The following PRMT9 variants were observed in gnomAD, a reference collection of about 807,000 sequenced individuals.
The protein encoded by PRMT9 is protein arginine methyltransferase 9.
In PRMT9, 59 loss-of-function variants were observed where a neutral mutation model predicts 83.2. The observed-to-expected ratio is 0.71, with a 90% CI of 0.57 to 0.88. PRMT9 has a LOEUF of 0.88. Ranked by LOEUF, PRMT9 falls within the 40% of genes least tolerant of loss-of-function variation. The pLI, the probability that PRMT9 is intolerant of heterozygous loss-of-function variation, is 0.00. For missense variants in PRMT9, 947 were observed against 1,021.9 expected, an observed-to-expected ratio of 0.93 and a Z score of 1.00; for synonymous variants, 333 against 353.2, an observed-to-expected ratio of 0.94 and a Z score of 0.64.
chr4:147,652,582 A>C (rs1367603084), intron 9 of PRMT9, among the ~76,000 whole-genome samples: 2 of 152,092 alleles, frequency 1.3e-5, no homozygotes, highest in Non-Finnish European at 2.9e-5. Context: ...GCTACTCAGG[A>C]GGCTGAAGTG....
At chr4:147,666,204 GC>G (rs1360163697) in intron 6 of PRMT9, among the ~76,000 whole-genome samples, 1 of 152,152 alleles carries the variant, frequency 6.6e-6, no homozygotes, top group Non-Finnish European at 1.5e-5. Context: ...TATAAAAGTT[GC>G]AAATATTTAT....
intron 6 of PRMT9, among the ~76,000 whole-genome samples, chr4:147,662,841 T>G (rs1226331390): frequency 6.6e-6 from 1 of 151,758 alleles, no homozygotes; most frequent in African/African-American, 2.4e-5. Context: ...CAATGAAAAT[T>G]TAAACATTTT....
intron 8 of PRMT9, among the ~76,000 whole-genome samples, chr4:147,654,881 G>A (rs1734375889): frequency 6.6e-6 from 1 of 152,118 alleles, no homozygotes; most frequent in Non-Finnish European, 1.5e-5. Flanking sequence ...TTGGGGTGTT[G>A]GTGGAGTACT....
chr4:147,675,898 A>G (rs965203290), intron 2 of PRMT9, among the ~76,000 whole-genome samples: 3 of 152,206 alleles, frequency 2.0e-5, no homozygotes, highest in African/African-American at 7.2e-5. Flanking sequence ...TATTACACAA[A>G]TAAGTGTCAG....
chr4:147,657,880 G>A lies in PRMT9; in HGVS notation c.1242C>T (p.Leu414=). ...ATAAACTATGTTCATCATCAAGCTG[G>A]AGCACAAACCAAACCATAATAGCAT... ...ILDAIMVWFV[L]QLDDEHSLST... is the part of the protein sequence containing the mutation. The change falls in exon 8 of 12, where the codon CTC becomes CTT. Residue 414 remains leucine, a synonymous_variant. Transcript: ENST00000322396. The A allele has an allele frequency of 6.2e-7, 1 of 1,609,328 alleles. No homozygotes were observed. The highest frequency in any genetic ancestry group is 8.5e-7 in the Non-Finnish European group (1 of 1,178,836).
At position 147,638,374 on chromosome 4, in the gene PRMT9, C is replaced by T. The variant is rs765189713; in HGVS notation, c.*158G>A. 13 of 638,170 alleles carry T rather than the reference C, an allele frequency of 2.0e-5. No individual in the cohort carries two copies. Among genetic ancestry groups the T allele is most frequent in the Non-Finnish European group, 3.3e-5 (12 of 361,544 alleles). The allele number at this position is 638,170 out of a possible 1,614,324, so 39.5% of individuals were successfully genotyped here. ...CAGCAGTATTTCTATAATAATGCTA[C>T]CCTTTTATTTAGAATCTTTTAAAAT... is the stretch of plus-strand genomic sequence containing the variant. On this transcript the variant is annotated 3_prime_UTR_variant, in exon 12 of 12. Coordinates refer to ENST00000322396, the MANE Select transcript of PRMT9 (RefSeq NM_138364.4).
In PRMT9 at chr4:147,683,816, G is replaced by C. The variant is rs776433737; in HGVS notation, c.172C>G (p.Leu58Val). 6 of 1,600,356 alleles carry C rather than the reference G, an allele frequency of 3.7e-6. No individual in the cohort carries two copies. The highest frequency in any genetic ancestry group is 5.1e-6 in the Non-Finnish European group (6 of 1,173,444). The stretch of plus-strand genomic sequence containing the variant: ...ACCCTCACCTTCACGTCGTGTTTCA[G>C]CTCCGGCGCCAGGCTGAGCACGAGG... ...YLLVLSLAPE[L>V]KHDVKETFQY... The change falls in exon 1 of 12, where the codon CTG becomes GTG. Residue 58 changes from leucine to valine, a missense_variant. Transcript: ENST00000322396.
chr4:147,682,409 C>CTGGG (rs1736542657), intron 1 of PRMT9, among the ~76,000 whole-genome samples: 2 of 152,156 alleles, frequency 1.3e-5, no homozygotes, highest in African/African-American at 4.8e-5. Context: ...CTACTGACCT[C>CTGGG]AGGTGATCCA....
intron 6 of PRMT9, among the ~76,000 whole-genome samples, chr4:147,667,970 A>G (rs142433413): frequency 9.4e-4 from 134 of 141,904 alleles, no homozygotes; most frequent in African/African-American, 2.9e-3. Flanking sequence ...GGCTTTAACC[A>G]TGAAGTTTCA....
At chr4:147,658,221 T>C (rs1256695748) in intron 7 of PRMT9, among the ~76,000 whole-genome samples, 1 of 151,438 alleles carries the variant, frequency 6.6e-6, no homozygotes, top group Non-Finnish European at 1.5e-5. Context: ...TGGAAAGAAG[T>C]CCATAATATA....
chr4:147,670,797 A>G, intron 4 of PRMT9, 54 bp from the exon 5 acceptor site: 1 of 1,124,438 alleles, frequency 8.9e-7, no homozygotes, highest in Non-Finnish European at 1.3e-6. Flanking sequence ...GCTATTATAT[A>G]AAGATGTCAA....
chr4:147,645,258 A>T (rs1733654686), intron 9 of PRMT9, among the ~76,000 whole-genome samples: 1 of 152,202 alleles, frequency 6.6e-6, no homozygotes, highest in African/African-American at 2.4e-5. Flanking sequence ...ATTTAAATTA[A>T]TTCTCTGGTC....
intron 9 of PRMT9, among the ~76,000 whole-genome samples, chr4:147,646,619 A>T (rs1469656534): frequency 1.3e-5 from 2 of 151,740 alleles, no homozygotes; most frequent in Non-Finnish European, 2.9e-5. Flanking sequence ...GCCTAAAAAA[A>T]ATAAAAATAA....
chr4:147,657,268 G>A (rs1192192172), intron 8 of PRMT9, among the ~76,000 whole-genome samples: 4 of 152,084 alleles, frequency 2.6e-5, no homozygotes, highest in African/African-American at 7.2e-5. Context: ...GCTCACGCCC[G>A]TAATCCCAGC....
In PRMT9 at chr4:147,680,412, T is replaced by C. The variant is rs375252064; in HGVS notation, c.249A>G (p.Ile83Met). 9.3e-6 allele frequency: 15 copies of C among 1,614,000 alleles called. No homozygotes were observed. The highest frequency in any genetic ancestry group is 1.3e-5 in the African/African-American group (1 of 74,934). ...GCTCATAGCAACCAAGTAAGTCTTGTATCCGACTGAGAGCATCAAGCTCTT... is the reference window on the plus strand; with the variant it reads ...GCTCATAGCAACCAAGTAAGTCTTGCATCCGACTGAGAGCATCAAGCTCTT... ...WAEELDALSR[I>M]QDLLGCYEQA... Residue 83 changes from isoleucine to methionine, a missense_variant, in exon 2 of 12, where the codon ATA becomes ATG. Physicochemically the swap from Ile to Met is conservative, Grantham distance 10. Coordinates refer to ENST00000322396, the MANE Select transcript of PRMT9 (RefSeq NM_138364.4).
At position 147,680,413 on chromosome 4, in the gene PRMT9, A is replaced by G. The variant is rs908820405; in HGVS notation, c.248T>C (p.Ile83Thr). 2.5e-6 allele frequency: 4 copies of G among 1,614,020 alleles called. No homozygotes were observed. In the African/African-American group the frequency reaches 5.3e-5, roughly 22 times the overall value. ...CTCATAGCAACCAAGTAAGTCTTGT[A>G]TCCGACTGAGAGCATCAAGCTCTTC... Reference protein sequence around the residue: ...WAEELDALSRIQDLLGCYEQA... With the variant: ...WAEELDALSRTQDLLGCYEQA... The change falls in exon 2 of 12, where the codon ATA (isoleucine) becomes ACA (threonine). Residue 83 changes from isoleucine (I) to threonine (T), a missense_variant. By Grantham distance (89) the Ile-to-Thr change is moderately conservative (BLOSUM62 -1). Transcript: ENST00000322396.
At chr4:147,661,951 A>G (rs1263980798) in intron 6 of PRMT9, among the ~76,000 whole-genome samples, 1 of 152,224 alleles carries the variant, frequency 6.6e-6, no homozygotes, top group Non-Finnish European at 1.5e-5. Context: ...TGTAGTACCA[A>G]TTCGAGCTGA....
intron 6 of PRMT9, among the ~76,000 whole-genome samples, chr4:147,665,004 C>T (rs1294643235): frequency 4.6e-5 from 7 of 151,524 alleles, no homozygotes; most frequent in African/African-American, 1.5e-4. Context: ...GCCTGTAATC[C>T]CAGCTACTTG....
rs751417095 is a variant in PRMT9 at position 147,657,908 on chromosome 4, AGTATGCCTTCTTTAATAACAG to A, written c.1193_1213del (p.Pro398_Ile404del). ...CACAAACCAAACCATAATAGCATCTAGTATGCCTTCTTTAATAACAGGAATACCAATCTTATCAGGCTTTTT... is the reference window on the plus strand; with the variant it reads ...CACAAACCAAACCATAATAGCATCTAGAATACCAATCTTATCAGGCTTTTT... On this transcript the variant is annotated inframe_deletion, in exon 8 of 12. Transcript: ENST00000322396. 10 of 1,602,760 alleles carry A rather than the reference AGTATGCCTTCTTTAATAACAG, an allele frequency of 6.2e-6. No individual in the cohort carries two copies. Among genetic ancestry groups the A allele is most frequent in the Non-Finnish European group, 6.8e-6 (8 of 1,175,672 alleles).
Sources: gnomAD v4.1 joint callset for allele counts (sites outside exome capture counted in the v4.1 genomes callset) on GRCh38, gnomAD v4.1.1 for gene constraint, MANE v1.5 for transcripts, NCBI Gene and HGNC (gene_info 2026-07-23, HGNC 2026-07-21) for gene names.